LPCAT3: variants seen among roughly 807,000 people sequenced by gnomAD.
LPCAT3 encodes lysophosphatidylcholine acyltransferase 3, also known as lysophospholipid acyltransferase 5.
In LPCAT3, 21 loss-of-function variants were observed where a neutral mutation model predicts 63.4. That is an observed-to-expected ratio of 0.33 (90% confidence interval 0.23 to 0.48). The LOEUF is 0.48. Among genes scored for constraint, LPCAT3 ranks in the 20% least tolerant of loss-of-function variants. The pLI is 0.99. For missense variants in LPCAT3, 451 were observed against 590.6 expected (o/e 0.76, Z 2.45); for synonymous variants, 242 against 227.5 (o/e 1.06, Z -0.58).
chr12:6,985,101 A>G (rs1591548556), intron 1 of LPCAT3, among the ~76,000 whole-genome samples: 1 of 151,630 alleles, frequency 6.6e-6, no homozygotes, highest in Non-Finnish European at 1.5e-5. Context: ...AAAAAAAAAA[A>G]AAAAAAAAGG....
chr12:6,977,282 T>G lies in LPCAT3; in HGVS notation c.1348-20A>C, dbSNP rs1946415529. 1 of 1,610,900 alleles carries G rather than the reference T, an allele frequency of 6.2e-7. No individual in the cohort carries two copies. Among genetic ancestry groups the G allele is most frequent in the South Asian group, 1.1e-5 (1 of 91,018 alleles). ...ATACACCTGTGGAGAGAGAGGCCAC[T>G]AAGGTAGACAGGCCTGGAGTGTCCT... On this transcript the variant is annotated intron_variant, in intron 11 of 12. Transcript: ENST00000261407. This position sits in a 1 kb window ranked among gnomAD's most constrained non-coding sequence, Gnocchi z 4.5.
intron 5 of LPCAT3, 120 bp from the exon 6 acceptor site, chr12:6,981,302 G>T: frequency 1.2e-6 from 1 of 816,482 alleles, no homozygotes; most frequent in Non-Finnish European, 1.9e-6. Flanking sequence ...CCTTCTCTTT[G>T]GGGGATGACA....
intron 1 of LPCAT3, among the ~76,000 whole-genome samples, chr12:6,985,178 A>C (rs1462376185): frequency 6.6e-5 from 10 of 150,462 alleles, no homozygotes; most frequent in Admixed American, 6.0e-4. Context: ...GATCATGAGG[A>C]CAGGAGATCG....
Position 6,983,544 on chromosome 12 carries a change from A to G in LPCAT3, c.152-5T>C. 1.9e-6 allele frequency: 3 copies of G among 1,560,446 alleles called. No homozygotes were observed. In the South Asian group the frequency reaches 3.3e-5, roughly 17 times the overall value. On this transcript the variant is annotated splice_region_variant and splice_polypyrimidine_tract_variant and intron_variant, in intron 1 of 12. Transcript: ENST00000261407. ...AAAACAAAGCAAAGGGGTAACCTAG[A>G]TGGGGGAAAAGATAAGAAGAGTGTT...
At chr12:6,983,241 A>G in intron 2 of LPCAT3, 191 bp downstream of exon 2, 1 of 528,084 alleles carries the variant, frequency 1.9e-6, no homozygotes, top group Non-Finnish European at 3.4e-6. Flanking sequence ...AAATGTTTTT[A>G]TCTGACAGAA....
rs782698373 is a variant in LPCAT3, at chr12:6,977,979, G to C, written c.1041-234C>G. The C allele has an allele frequency of 2.8e-5, 16 of 576,516 alleles. No homozygotes were observed. The highest frequency in any genetic ancestry group is 3.7e-5 in the African/African-American group (2 of 53,562). The allele number at this position is 576,516 out of a possible 1,614,324, so 35.7% of individuals were successfully genotyped here. A position where few individuals can be genotyped will look rare whatever the true frequency, so the allele number is the denominator to read the frequency against. The stretch of plus-strand genomic sequence containing the variant: ...GCCACTTGGTTCAGCAGCAGTGACT[G>C]AGGCTGATGCTGAGATCAGTGGTGA... On this transcript the variant is annotated intron_variant, in intron 9 of 12. Transcript: ENST00000261407. The surrounding 1 kb of genome is among the most constrained non-coding windows in gnomAD (Gnocchi z 4.5).
chr12:6,979,116 T>C, intron 7 of LPCAT3: 1 of 303,280 alleles, frequency 3.3e-6, no homozygotes, highest in South Asian at 5.9e-5. Context: ...GTTTCTGAAT[T>C]CCCTAGAAGT....
intron 1 of LPCAT3, among the ~76,000 whole-genome samples, chr12:6,989,632 A>G (rs1946568723): frequency 6.6e-6 from 1 of 152,016 alleles, no homozygotes; most frequent in African/African-American, 2.4e-5. Flanking sequence ...GCTGGGATAC[A>G]TTTAATTTGT....
intron 1 of LPCAT3, among the ~76,000 whole-genome samples, chr12:7,015,748 C>T (rs1245431844): frequency 2.0e-5 from 3 of 151,858 alleles, no homozygotes; most frequent in African/African-American, 4.8e-5. Context: ...CAAGGGGGCT[C>T]GGGAGTGTGG....
At chr12:7,003,650 C>T (rs973549596) in intron 1 of LPCAT3, among the ~76,000 whole-genome samples, 7 of 152,076 alleles carry the variant, frequency 4.6e-5, no homozygotes, top group East Asian at 1.9e-4. Flanking sequence ...CGGCCGGGCG[C>T]GGTGGCTCAC....
At chr12:6,994,210 T>C (rs1481994328) in intron 1 of LPCAT3, among the ~76,000 whole-genome samples, 1 of 152,180 alleles carries the variant, frequency 6.6e-6, no homozygotes, top group Non-Finnish European at 1.5e-5. Context: ...TGGATCTTTT[T>C]CTTTTTTTTC....
intron 1 of LPCAT3, among the ~76,000 whole-genome samples, chr12:6,984,525 A>C (rs1272685622): frequency 6.6e-6 from 1 of 152,166 alleles, no homozygotes. Flanking sequence ...CATTCTGCCT[A>C]TTCTTTCATT....
At chr12:7,013,028 G>T (rs1316736341) in intron 1 of LPCAT3, among the ~76,000 whole-genome samples, 3 of 152,120 alleles carry the variant, frequency 2.0e-5, no homozygotes, top group African/African-American at 7.2e-5. Context: ...AAACTTCCAT[G>T]GTTTCTGTCC....
At chr12:6,988,379 T>C (rs1946549612) in intron 1 of LPCAT3, 1 of 152,266 alleles carries the variant, frequency 6.6e-6, no homozygotes, top group African/African-American at 2.4e-5. Flanking sequence ...GGTGAGTTGC[T>C]GTGACAACCC....
chr12:7,010,675 ATTTT>A (rs1173700187), intron 1 of LPCAT3, among the ~76,000 whole-genome samples: 1 of 152,076 alleles, frequency 6.6e-6, no homozygotes, highest in African/African-American at 2.4e-5. Flanking sequence ...TGATTATATA[ATTTT>A]TTTTGTAAAT....
rs781881565 is a variant in LPCAT3 at position 6,983,515 on chromosome 12, C to T, written c.176G>A (p.Arg59Gln). 2.5e-6 allele frequency: 4 copies of T among 1,610,774 alleles called. No individual in the cohort carries two copies. The highest frequency in any genetic ancestry group is 1.7e-5 in the Admixed American group (1 of 59,918). The change falls in exon 2 of 13, where the codon CGG becomes CAG. Residue 59 changes from arginine (R) to glutamine (Q), a missense_variant. Physicochemically the swap from Arg to Gln is conservative, Grantham distance 43. This residue lies in a region of LPCAT3 where 133 missense variants were observed against 152.1 expected (regional missense o/e 0.87). Transcript: ENST00000261407. The stretch of plus-strand genomic sequence containing the variant: ...GGTCTCCTTGTAGAAAAGGTAATGC[C>T]GATAAAACAAAGCAAAGGGGTAACC... ...FLGYPFALFY[R>Q]HYLFYKETYL...
chr12:6,989,057 A>T (rs978930036), intron 1 of LPCAT3, among the ~76,000 whole-genome samples: 2 of 150,716 alleles, frequency 1.3e-5, no homozygotes, highest in African/African-American at 4.9e-5. Flanking sequence ...TGGGAGGTGG[A>T]GGTTGTGGTG....
intron 1 of LPCAT3, among the ~76,000 whole-genome samples, chr12:6,997,676 T>A (rs1320292000): frequency 1.3e-5 from 2 of 151,648 alleles, no homozygotes; most frequent in African/African-American, 4.8e-5. Flanking sequence ...AACCTCTGCC[T>A]CCTGGGTTCA....
chr12:7,003,406 ATT>A (rs142516675), intron 1 of LPCAT3, among the ~76,000 whole-genome samples: 6,632 of 150,932 alleles, frequency 0.044, 234 homozygotes, highest in African/African-American at 0.098. Context: ...AAGCAAAAAT[ATT>A]GTTTCATGTC....
Sources: allele counts gnomAD v4.1 joint callset (sites outside exome capture counted in the v4.1 genomes callset), GRCh38; gene constraint gnomAD v4.1.1; regional missense constraint gnomAD v4.1.1; non-coding constraint Gnocchi (gnomAD v3.1); transcripts MANE v1.5; gene names NCBI Gene and HGNC (gene_info 2026-07-23, HGNC 2026-07-21).